Variants in GPR137C observed in about 807,000 individuals in gnomAD.
The protein encoded by GPR137C is G protein-coupled receptor 137C.
Under a neutral mutation model 43.4 loss-of-function variants are expected in GPR137C, and 27 were observed. The ratio of observed to expected loss-of-function variants is 0.62; its 90% CI spans 0.46 to 0.86. GPR137C has a LOEUF of 0.86. Among genes scored for constraint, GPR137C ranks in the 40% least tolerant of loss-of-function variants. GPR137C has a pLI of 0.00. For synonymous variants in GPR137C, 285 were observed against 226.9 expected, an observed-to-expected ratio of 1.26 and a Z score of -2.30; for missense variants, 522 against 534.6, an observed-to-expected ratio of 0.98 and a Z score of 0.23.
chr14:52,596,274 G>T (rs2038853854), intron 1 of GPR137C, among the ~76,000 whole-genome samples: 1 of 152,200 alleles, frequency 6.6e-6, no homozygotes, highest in Non-Finnish European at 1.5e-5. Flanking sequence ...GGCTACACGG[G>T]TCAGGGACCC....
chr14:52,632,887 A>G (rs2039310974), intron 4 of GPR137C, among the ~76,000 whole-genome samples: 1 of 152,088 alleles, frequency 6.6e-6, no homozygotes, highest in Non-Finnish European at 1.5e-5. Context: ...CTTCCTAAAC[A>G]TACATTTTGA....
At chr14:52,585,291 G>A (rs867671351) in intron 1 of GPR137C, among the ~76,000 whole-genome samples, 1 of 152,082 alleles carries the variant, frequency 6.6e-6, no homozygotes, top group Admixed American at 6.6e-5. Context: ...TGACTCAAAA[G>A]TGTCTTCCTT....
intron 5 of GPR137C, 79 bp from the exon 6 acceptor site, chr14:52,633,749 A>G: frequency 6.5e-7 from 1 of 1,531,652 alleles, no homozygotes; most frequent in Non-Finnish European, 9.0e-7. Flanking sequence ...GGTTAAGACT[A>G]AAAATTATTA....
At chr14:52,569,855 C>T (rs556214724) in intron 1 of GPR137C, among the ~76,000 whole-genome samples, 1 of 151,950 alleles carries the variant, frequency 6.6e-6, no homozygotes, top group Admixed American at 6.6e-5. Context: ...TGAAAACACT[C>T]TTCAGGATAT....
At chr14:52,627,074 A>G (rs1315066084) in intron 3 of GPR137C, among the ~76,000 whole-genome samples, 1 of 152,164 alleles carries the variant, frequency 6.6e-6, no homozygotes, top group Non-Finnish European at 1.5e-5. Flanking sequence ...AAACCAAATC[A>G]TAATTTTACC....
Position 52,611,307 on chromosome 14 carries a change from A to G in GPR137C, c.717+10966A>G, listed in dbSNP as rs146037376. ...ATTCTTTATATCTTTGGCATGTGTG[A>G]TTTCTGTTTATATTAAAATGTTATC... On this transcript the variant is annotated intron_variant, in intron 3 of 6. Coordinates refer to ENST00000321662, the MANE Select transcript of GPR137C (RefSeq NM_001099652.2). Among the ~76,000 whole-genome samples, 26 of 151,860 alleles carry G rather than the reference A, an allele frequency of 1.7e-4. No homozygotes were observed. The East Asian group carries it at 5.0e-3, about 29-fold the overall frequency.
At chr14:52,573,575 C>T (rs551241690) in intron 1 of GPR137C, among the ~76,000 whole-genome samples, 2 of 152,124 alleles carry the variant, frequency 1.3e-5, no homozygotes, top group African/African-American at 2.4e-5. Flanking sequence ...AATTAACTCA[C>T]GATGGATTGA....
At chr14:52,570,195 C>T (rs1348188497) in intron 1 of GPR137C, among the ~76,000 whole-genome samples, 2 of 152,224 alleles carry the variant, frequency 1.3e-5, no homozygotes, top group Non-Finnish European at 2.9e-5. Flanking sequence ...AATATTCCAA[C>T]ATTCTTGAAG....
chr14:52,553,206 C>G lies in GPR137C; in HGVS notation c.59C>G (p.Pro20Arg). The change falls in exon 1 of 7, where the codon CCC becomes CGC. Residue 20 changes from proline (P) to arginine (R), a missense_variant. By Grantham distance (103) the Pro-to-Arg change is moderately radical (BLOSUM62 -2). Coordinates refer to ENST00000321662, the MANE Select transcript of GPR137C (RefSeq NM_001099652.2). The part of the protein sequence containing the change: ...AAAAPAAGRE[P>R]STPGGGSGGG... Reference sequence around the variant, plus strand: ...GCCGCCCCCGCAGCCGGCCGCGAGCCCTCCACGCCCGGCGGGGGCAGCGGA... The same window carrying G: ...GCCGCCCCCGCAGCCGGCCGCGAGCGCTCCACGCCCGGCGGGGGCAGCGGA... 8.2e-7 allele frequency: 1 copy of G among 1,222,528 alleles called. No homozygotes were observed. Among genetic ancestry groups the G allele is most frequent in the Non-Finnish European group, 1.0e-6 (1 of 982,692 alleles). 75.7% of individuals were successfully genotyped at this position (1,222,528 alleles called of 1,614,324 possible). A position where few individuals can be genotyped will look rare whatever the true frequency, so the allele number is the denominator to read the frequency against.
At chr14:52,561,232 A>C (rs2139437023) in intron 1 of GPR137C, among the ~76,000 whole-genome samples, 1 of 152,350 alleles carries the variant, frequency 6.6e-6, no homozygotes, top group Non-Finnish European at 1.5e-5. Flanking sequence ...GAACTCCTAC[A>C]CTGATGATAG....
intron 1 of GPR137C, among the ~76,000 whole-genome samples, chr14:52,553,845 A>G (rs928627063): frequency 3.3e-5 from 5 of 152,194 alleles, no homozygotes; most frequent in Non-Finnish European, 5.9e-5. Flanking sequence ...AACTTAAAAC[A>G]GCAACGGAAC....
At chr14:52,573,006 C>A (rs2038495249) in intron 1 of GPR137C, among the ~76,000 whole-genome samples, 1 of 152,268 alleles carries the variant, frequency 6.6e-6, no homozygotes, top group African/African-American at 2.4e-5. Context: ...CCTAGGAATA[C>A]AACCTACAAG....
chr14:52,587,724 C>T (rs1277948992), intron 1 of GPR137C, among the ~76,000 whole-genome samples: 1 of 152,146 alleles, frequency 6.6e-6, no homozygotes. Flanking sequence ...GAGCCAAGAT[C>T]GTGCCAGTGC....
chr14:52,611,298 G>A (rs977917860), intron 3 of GPR137C, among the ~76,000 whole-genome samples: 1 of 151,596 alleles, frequency 6.6e-6, no homozygotes, highest in African/African-American at 2.4e-5. Context: ...TATATCTTTG[G>A]CATGTGTGAT....
At chr14:52,566,564 G>A (rs1175853325) in intron 1 of GPR137C, among the ~76,000 whole-genome samples, 1 of 152,180 alleles carries the variant, frequency 6.6e-6, no homozygotes, top group Non-Finnish European at 1.5e-5. Context: ...ATTCTGAAAA[G>A]AATGGGACAT....
chr14:52,626,067 A>G (rs2039223671), intron 3 of GPR137C, among the ~76,000 whole-genome samples: 1 of 152,212 alleles, frequency 6.6e-6, no homozygotes. Context: ...CTATTTACAT[A>G]TCATTTTTCA....
chr14:52,594,275 T>C (rs992993801), intron 1 of GPR137C, among the ~76,000 whole-genome samples: 2 of 152,200 alleles, frequency 1.3e-5, no homozygotes, highest in African/African-American at 4.8e-5. Context: ...AAGTGTGATG[T>C]GGTGCTGAGA....
At chr14:52,593,888 G>C (rs1415548617) in intron 1 of GPR137C, among the ~76,000 whole-genome samples, 1 of 151,858 alleles carries the variant, frequency 6.6e-6, no homozygotes, top group Non-Finnish European at 1.5e-5. Flanking sequence ...GAATTTGTTT[G>C]CTCTTGCTTC....
At chr14:52,630,267 C>A (rs1481474294) in intron 3 of GPR137C, among the ~76,000 whole-genome samples, 3 of 151,998 alleles carry the variant, frequency 2.0e-5, no homozygotes, top group Admixed American at 6.6e-5. Flanking sequence ...TAAACAGTTT[C>A]TCTGTATTAT....
Sources: gnomAD v4.1 joint callset for allele counts (sites outside exome capture counted in the v4.1 genomes callset) on GRCh38, gnomAD v4.1.1 for gene constraint, MANE v1.5 for transcripts, NCBI Gene and HGNC (gene_info 2026-07-23, HGNC 2026-07-21) for gene names.